Variants in CEACAM19 observed in about 807,000 individuals in gnomAD.
CEACAM19 encodes the protein cell adhesion molecule CEACAM19.
Under a neutral mutation model 37.6 loss-of-function variants are expected in CEACAM19, and 37 were observed. That is an observed-to-expected ratio of 0.98 (90% CI 0.76 to 1.29). CEACAM19 has a LOEUF of 1.29. CEACAM19 is among the 50% of genes most tolerant of loss of function. The pLI, the probability that CEACAM19 is intolerant of heterozygous loss-of-function variation, is 0.00. For synonymous variants in CEACAM19, 140 were observed against 149.8 expected, an observed-to-expected ratio of 0.93 and a Z score of 0.48; for missense variants, 340 against 375.6, an observed-to-expected ratio of 0.91 and a Z score of 0.78.
chr19:44,668,075 ATATATT>A (rs1454968416), upstream of CEACAM19, among the ~76,000 whole-genome samples: 32 of 83,486 alleles, frequency 3.8e-4, no homozygotes, highest in African/African-American at 1.6e-3. Flanking sequence ...TAATATATAA[ATATATT>A]TATATATTAT....
intron 7 of CEACAM19, chr19:44,683,054 GA>G (rs1974091042): frequency 3.7e-5 from 7 of 190,546 alleles, no homozygotes; most frequent in African/African-American, 1.8e-4. Flanking sequence ...CCCTTTCTTG[GA>G]CTCTCTCTCT....
upstream of CEACAM19, among the ~76,000 whole-genome samples, chr19:44,671,125 C>CT (rs112662657): frequency 1.0e-3 from 150 of 143,248 alleles, no homozygotes; most frequent in East Asian, 5.1e-3. Context: ...AGGCTAAGAG[C>CT]TTTTTTTTTT....
intron 3 of CEACAM19, 107 bp downstream of exon 3, chr19:44,676,528 A>C: frequency 9.3e-7 from 1 of 1,080,280 alleles, no homozygotes; most frequent in Non-Finnish European, 1.4e-6. Context: ...ATCTCATCAA[A>C]TCTTGGAACT....
chr19:44,675,097 CGTGTGTGT>C (rs59147604), intron 2 of CEACAM19, among the ~76,000 whole-genome samples: 745 of 143,896 alleles, frequency 5.2e-3, no homozygotes, highest in Admixed American at 8.3e-3. Flanking sequence ...CAGAGAACAG[CGTGTGTGT>C]GTGTGTGTGT....
chr19:44,671,691 G>T lies in CEACAM19; in HGVS notation c.-241G>T. 1 of 512,088 alleles carries T rather than the reference G, an allele frequency of 2.0e-6. No homozygotes were observed. Among genetic ancestry groups the T allele is most frequent in the Non-Finnish European group, 3.5e-6 (1 of 286,374 alleles). The allele number at this position is 512,088 out of a possible 1,614,324, so 31.7% of individuals were successfully genotyped here. On this transcript the variant is annotated 5_prime_UTR_variant, in exon 1 of 8. Coordinates refer to ENST00000358777, the MANE Select transcript of CEACAM19 (RefSeq NM_001127893.3). ...AGGGTCAGGGGAGGAGTCCTGGGAA[G>T]TTCCCCAGTCACCCTGAAAAACTGG...
chr19:44,683,241 A>T (rs1974096348), intron 7 of CEACAM19, 196 bp from the exon 8 acceptor site: 3 of 467,072 alleles, frequency 6.4e-6, no homozygotes, highest in Non-Finnish European at 1.2e-5. Context: ...TGTCTCTGTC[A>T]CTGTGTCCAC....
At chr19:44,679,253 A>G (rs1013405750) in intron 4 of CEACAM19, among the ~76,000 whole-genome samples, 2 of 152,176 alleles carry the variant, frequency 1.3e-5, no homozygotes, top group Non-Finnish European at 2.9e-5. Context: ...TTGGTCTCCC[A>G]ATGTGCTGGG....
chr19:44,668,771 A>AATATATAATTATATATAATATATATT (rs1973810638), upstream of CEACAM19, among the ~76,000 whole-genome samples: 1 of 114,534 alleles, frequency 8.7e-6, no homozygotes, highest in Non-Finnish European at 1.6e-5. Flanking sequence ...TATATAATAT[A>AATATATAATTATATATAATATATATT]ATATATAATT....
chr19:44,682,959 T>C, intron 7 of CEACAM19: 1 of 310,196 alleles, frequency 3.2e-6, no homozygotes, highest in Non-Finnish European at 6.0e-6. Context: ...GCTCAGTCCC[T>C]CTCCATCCCC....
chr19:44,678,784 G>T, intron 3 of CEACAM19, 69 bp from the exon 4 acceptor site: 1 of 1,578,032 alleles, frequency 6.3e-7, no homozygotes, highest in Non-Finnish European at 8.6e-7. Flanking sequence ...CATAGGGAAG[G>T]ATGTTGCTCT....
intron 1 of CEACAM19, among the ~76,000 whole-genome samples, 191 bp downstream of exon 1, chr19:44,672,177 A>G (rs1973866620): frequency 6.6e-6 from 1 of 152,168 alleles, no homozygotes; most frequent in Admixed American, 6.5e-5. Context: ...AGGACCATGA[A>G]GGCAGGAATT....
chr19:44,683,644 C>T lies in CEACAM19; in HGVS notation c.*154C>T. 2.1e-6 allele frequency: 1 copy of T among 475,758 alleles called. No individual in the cohort carries two copies. 29.5% of individuals were successfully genotyped at this position (475,758 alleles called of 1,614,324 possible). On this transcript the variant is annotated 3_prime_UTR_variant, in exon 8 of 8. Transcript: ENST00000358777. ...CTCAGCAGCACATGGGGCAGGTGTCCTGGCAGGGGGACAGGAGACTGTAAC... is the reference window on the plus strand; with the variant it reads ...CTCAGCAGCACATGGGGCAGGTGTCTTGGCAGGGGGACAGGAGACTGTAAC...
At chr19:44,676,444 T>C in intron 3 of CEACAM19, 23 bp downstream of exon 3, 1 of 1,611,922 alleles carries the variant, frequency 6.2e-7, no homozygotes. Flanking sequence ...CAAGTGTCCC[T>C]CTCCTGTCTG....
At chr19:44,667,720 A>C (rs1973748293), upstream of CEACAM19, among the ~76,000 whole-genome samples, 1 of 74,738 alleles carries the variant, frequency 1.3e-5, no homozygotes, top group Admixed American at 2.4e-4. Context: ...AATATATATA[A>C]ATTATATATT....
At position 44,681,220 on chromosome 19, in the gene CEACAM19, G is replaced by C. The variant is rs1451103834; in HGVS notation, c.707-7G>C. ...TCAGCTGGTACCTCCCCTGGCCTCT[G>C]TTTCAGGTGACAACAACATCTATGA... On this transcript the variant is annotated splice_polypyrimidine_tract_variant and splice_region_variant and intron_variant, in intron 5 of 7. Coordinates refer to ENST00000358777, the MANE Select transcript of CEACAM19 (RefSeq NM_001127893.3). 6.2e-7 allele frequency: 1 copy of C among 1,612,652 alleles called. No homozygotes were observed. Among genetic ancestry groups the C allele is most frequent in the Non-Finnish European group, 8.5e-7 (1 of 1,178,910 alleles).
At chr19:44,681,473 A>G (rs114638810) in intron 6 of CEACAM19, among the ~76,000 whole-genome samples, 161 bp downstream of exon 6, 53 of 152,308 alleles carry the variant, frequency 3.5e-4, no homozygotes, top group African/African-American at 1.3e-3. Flanking sequence ...AAGAGACTGG[A>G]AGGAAACAGC....
chr19:44,671,884 C>A lies in CEACAM19; in HGVS notation c.-48C>A. On this transcript the variant is annotated 5_prime_UTR_variant, in exon 1 of 8. Coordinates refer to ENST00000358777, the MANE Select transcript of CEACAM19 (RefSeq NM_001127893.3). ...CAGCCAGGGCCCACCCCTCTGGCCC[C>A]CTTAGTGTCCAGCTCGTGGCCCCTT... 1 of 1,550,170 alleles carries A rather than the reference C, an allele frequency of 6.5e-7. No individual in the cohort carries two copies. Among genetic ancestry groups the A allele is most frequent in the Non-Finnish European group, 8.8e-7 (1 of 1,136,866 alleles).
intron 2 of CEACAM19, among the ~76,000 whole-genome samples, chr19:44,674,841 T>C (rs1973918256): frequency 6.6e-6 from 1 of 152,250 alleles, no homozygotes; most frequent in Admixed American, 6.5e-5. Flanking sequence ...CTAGTCCGGT[T>C]GGAGATAACA....
intron 2 of CEACAM19, among the ~76,000 whole-genome samples, chr19:44,675,777 C>T (rs189226622): frequency 6.3e-4 from 94 of 148,432 alleles, no homozygotes; most frequent in African/African-American, 2.2e-3. Context: ...CAGAGTGAGA[C>T]GCTGTTTCAA....
Sources: allele counts gnomAD v4.1 joint callset (sites outside exome capture counted in the v4.1 genomes callset), GRCh38; gene constraint gnomAD v4.1.1; transcripts MANE v1.5; gene names NCBI Gene and HGNC (gene_info 2026-07-23, HGNC 2026-07-21).